Variants in LAMA1 observed in about 807,000 individuals in gnomAD.
LAMA1 encodes laminin subunit alpha-1.
In LAMA1, 219 loss-of-function variants were observed where a neutral mutation model predicts 348.7. That is an observed-to-expected ratio of 0.63 (90% CI 0.56 to 0.70). The LOEUF is 0.70. Among genes scored for constraint, LAMA1 ranks in the 30% least tolerant of loss-of-function variants. The pLI is 0.00. For missense variants in LAMA1, 3,744 were observed against 3,888.0 expected, an observed-to-expected ratio of 0.96 and a Z score of 0.99; for synonymous variants, 1,487 against 1,491.0, an observed-to-expected ratio of 1.00 and a Z score of 0.06.
In LAMA1 at chr18:7,036,047, G is replaced by A. The variant is rs1375353101; in HGVS notation, c.1779C>T (p.Tyr593=). The A allele has an allele frequency of 1.9e-5, 30 of 1,614,014 alleles. No homozygotes were observed. The highest frequency in any genetic ancestry group is 3.3e-5 in the South Asian group (3 of 91,090). Residue 593 remains tyrosine, a synonymous_variant, in exon 13 of 63, where the codon TAC becomes TAT. Transcript: ENST00000389658. ...FGGFLKYTVS[Y]DIPVETVDSN... is the part of the protein sequence containing the mutation. ...TGTCTACCGTCTCTACCGGAATATCGTAGGACACCGTGTATTTCAGGAATC... is the reference window on the plus strand; with the variant it reads ...TGTCTACCGTCTCTACCGGAATATCATAGGACACCGTGTATTTCAGGAATC...
chr18:7,015,267 T>C (rs1357028778), intron 22 of LAMA1, among the ~76,000 whole-genome samples: 1 of 152,102 alleles, frequency 6.6e-6, no homozygotes, highest in African/African-American at 2.4e-5. Flanking sequence ...TTAAGGTGTA[T>C]TGTTTTTGTT....
chr18:7,057,466 CTTTTCTTTT>C (rs2058086311), intron 3 of LAMA1, among the ~76,000 whole-genome samples: 1 of 125,576 alleles, frequency 8.0e-6, no homozygotes, highest in African/African-American at 3.1e-5. Context: ...CTTTTCTTTT[CTTTTCTTTT>C]TTTTTTTTTT....
intron 46 of LAMA1, among the ~76,000 whole-genome samples, chr18:6,973,782 A>G (rs1418870901): frequency 6.6e-6 from 1 of 152,148 alleles, no homozygotes; most frequent in African/African-American, 2.4e-5. Flanking sequence ...AACATTCTTT[A>G]CTTTTTAACT....
At chr18:7,111,374 T>C (rs1220102890) in intron 1 of LAMA1, among the ~76,000 whole-genome samples, 2 of 152,206 alleles carry the variant, frequency 1.3e-5, no homozygotes, top group East Asian at 3.8e-4. Flanking sequence ...CTCCATTGTC[T>C]GCCTCCTGCC....
At chr18:6,964,150 C>G (rs2057621684) in intron 51 of LAMA1, 1 of 180,808 alleles carries the variant, frequency 5.5e-6, no homozygotes, top group Non-Finnish European at 1.2e-5. Context: ...AAAGGCAATA[C>G]ATATAAAATC....
chr18:7,016,991 G>C (rs2057891444), intron 20 of LAMA1, among the ~76,000 whole-genome samples: 1 of 152,172 alleles, frequency 6.6e-6, no homozygotes, highest in African/African-American at 2.4e-5. Flanking sequence ...ATTCTCATGA[G>C]ATCTGATGAT....
rs754139958 is a variant in LAMA1, at chr18:7,023,357, A to G, written c.2508T>C (p.Tyr836=). The G allele has an allele frequency of 2.5e-6, 4 of 1,614,168 alleles. 1 individual carries two copies. Among genetic ancestry groups the G allele is most frequent in the Middle Eastern group, 3.3e-4 (2 of 6,062 alleles). ...AWCERCADGY[Y]GNPTVPGESC... is the part of the protein sequence containing the mutation. ...ATTCGCCAGGCACTGTTGGGTTTCC[A>G]TAGTAACCATCTGCACATCTGTATC... The change falls in exon 19 of 63, where the codon TAT becomes TAC. Residue 836 remains tyrosine (Y), a synonymous_variant. Coordinates refer to ENST00000389658, the MANE Select transcript of LAMA1 (RefSeq NM_005559.4).
chr18:7,088,542 G>C (rs1207488412), intron 1 of LAMA1, among the ~76,000 whole-genome samples: 1 of 151,800 alleles, frequency 6.6e-6, no homozygotes, highest in African/African-American at 2.4e-5. Context: ...TTTGGAGATA[G>C]GTTTTTATTC....
intron 1 of LAMA1, 150 bp downstream of exon 1, chr18:7,117,510 G>A (rs1319597504): frequency 1.2e-5 from 9 of 733,492 alleles, no homozygotes; most frequent in Non-Finnish European, 1.8e-5. Flanking sequence ...GGCAAGCGCG[G>A]GAGACCCACG....
intron 22 of LAMA1, among the ~76,000 whole-genome samples, chr18:7,015,487 C>A (rs944513708): frequency 8.6e-5 from 13 of 151,460 alleles, no homozygotes; most frequent in Non-Finnish European, 1.9e-4. Context: ...GCTTTGTTGC[C>A]CAGGCTGGTC....
intron 49 of LAMA1, chr18:6,965,847 ATAT>A: frequency 2.4e-6 from 1 of 425,294 alleles, no homozygotes. Flanking sequence ...AGAACAAGAC[ATAT>A]TATTTGAGCT....
rs766323599 is a variant in LAMA1 at position 6,974,975 on chromosome 18, G to C, written c.6551C>G (p.Ser2184Cys). Reference protein sequence around the residue: ...GRVAFLWDLGSGSTRLEFPDF... With the variant: ...GRVAFLWDLGCGSTRLEFPDF... The stretch of plus-strand genomic sequence containing the variant: ...TGGAAACTCCAAGCGTGTGGACCCG[G>C]AGCCCAGGTCCCACAGGAAGGCCAC... The change falls in exon 46 of 63, where the codon TCC becomes TGC. Residue 2184 changes from serine (S) to cysteine (C), a missense_variant. This residue lies in a region of LAMA1 where 1,983 missense variants were observed against 1,934.3 expected (regional missense o/e 1.03). Transcript: ENST00000389658. 6.2e-7 allele frequency: 1 copy of C among 1,613,874 alleles called. No homozygotes were observed. Among genetic ancestry groups the C allele is most frequent in the African/African-American group, 1.3e-5 (1 of 74,868 alleles).
Position 7,002,163 on chromosome 18 carries a change from T to C in LAMA1, c.4382+101A>G, listed in dbSNP as rs73392456. On this transcript the variant is annotated intron_variant, in intron 30 of 62. Transcript: ENST00000389658. ...TTAGCCTTTTGCAACCAATGGAGAA[T>C]ATTCATTAACAACAGACCACTCAGA... 1.1e-3 allele frequency: 1,624 copies of C among 1,451,640 alleles called. 23 individuals carry two copies. The African/African-American group carries it at 0.019, about 17-fold the overall frequency. The allele number at this position is 1,451,640 out of a possible 1,614,324, so 89.9% of individuals were successfully genotyped here. A position where few individuals can be genotyped will look rare whatever the true frequency, so the allele number is the denominator to read the frequency against.
chr18:7,001,032 C>T (rs895429734), intron 30 of LAMA1, among the ~76,000 whole-genome samples: 1 of 152,134 alleles, frequency 6.6e-6, no homozygotes, highest in Non-Finnish European at 1.5e-5. Flanking sequence ...GTAAAATATT[C>T]AAACAGCACA....
At chr18:6,996,054 G>A (rs2057779734) in intron 33 of LAMA1, among the ~76,000 whole-genome samples, 1 of 152,078 alleles carries the variant, frequency 6.6e-6, no homozygotes, top group Non-Finnish European at 1.5e-5. Flanking sequence ...ATATAAAATA[G>A]TTATATCCCT....
chr18:7,054,463 G>A (rs1182070284), intron 3 of LAMA1, among the ~76,000 whole-genome samples: 5 of 151,700 alleles, frequency 3.3e-5, no homozygotes, highest in Non-Finnish European at 5.9e-5. Context: ...TCAGGTTGGG[G>A]TAGCAAGCAA....
At position 7,050,898 on chromosome 18, in the gene LAMA1, A is replaced by G. The variant is rs1210378011; in HGVS notation, c.384T>C (p.Asn128=). The change falls in exon 4 of 63, where the codon AAT becomes AAC. Residue 128 remains asparagine (N), a synonymous_variant. Transcript: ENST00000389658. ...QVAYVIIKAA[N]APRPGNWILE... is the part of the protein sequence containing the mutation. ...AAATCCAGTTTCCAGGTCGAGGGGC[A>G]TTGGCAGCTTTAATGATGACATATG... 1.2e-6 allele frequency: 2 copies of G among 1,614,086 alleles called. No individual in the cohort carries two copies. Among genetic ancestry groups the G allele is most frequent in the Non-Finnish European group, 1.7e-6 (2 of 1,180,042 alleles).
Position 7,023,827 on chromosome 18 carries a change from T to C in LAMA1, c.2490-452A>G, listed in dbSNP as rs576221423. Among the ~76,000 whole-genome samples the C allele has an allele frequency of 2.6e-5, 4 of 152,228 alleles. No individual in the cohort carries two copies. In the South Asian group the frequency reaches 8.3e-4, roughly 32 times the overall value. ...CCACAGATACCGACTCCTTGCTGCT[T>C]CCTATTGTTTTTGTTTTGTTTTGTT... On this transcript the variant is annotated intron_variant, in intron 18 of 62. Transcript: ENST00000389658.
intron 34 of LAMA1, 83 bp from the exon 35 acceptor site, chr18:6,993,835 A>G (rs771774007): frequency 4.1e-5 from 33 of 814,462 alleles, no homozygotes; most frequent in Non-Finnish European, 6.8e-5. Flanking sequence ...GTAATATTCC[A>G]CTGTTGCCGC....
Sources: allele counts gnomAD v4.1 joint callset (sites outside exome capture counted in the v4.1 genomes callset), GRCh38; gene constraint gnomAD v4.1.1; regional missense constraint gnomAD v4.1.1; transcripts MANE v1.5; gene names NCBI Gene and HGNC (gene_info 2026-07-23, HGNC 2026-07-21).